The following QTMAN variants were observed in gnomAD, a reference collection of about 807,000 sequenced individuals.
The protein encoded by QTMAN is queuosine-tRNA mannosyltransferase.
the QTMAN span, among the ~76,000 whole-genome samples, chr2:144,107,198 G>A: frequency 2.6e-5 from 4 of 152,004 alleles, no homozygotes; most frequent in South Asian, 2.1e-4. Context: ...TTAAAATAAC[G>A]AGAGAAGCAA....
At chr2:144,239,703 T>C in the QTMAN span, among the ~76,000 whole-genome samples, 1 of 152,234 alleles carries the variant, frequency 6.6e-6, no homozygotes, top group Admixed American at 6.5e-5. Context: ...TGTATTGCCA[T>C]CATTCATTGT....
At chr2:144,254,134 G>A in the QTMAN span, among the ~76,000 whole-genome samples, 43 of 152,292 alleles carry the variant, frequency 2.8e-4, no homozygotes, top group African/African-American at 9.4e-4. Flanking sequence ...AAGAATTAAC[G>A]TTTGAGGCCA....
chr2:144,139,311 A>G, the QTMAN span, among the ~76,000 whole-genome samples: 2 of 152,216 alleles, frequency 1.3e-5, no homozygotes, highest in East Asian at 3.9e-4. Flanking sequence ...AGATGCCAAT[A>G]AATATGCTAG....
At chr2:144,131,579 T>A in the QTMAN span, among the ~76,000 whole-genome samples, 1 of 151,916 alleles carries the variant, frequency 6.6e-6, no homozygotes, top group African/African-American at 2.4e-5. Context: ...TTAGTCTTAA[T>A]CCCATCTATA....
At chr2:144,039,252 T>C in the QTMAN span, among the ~76,000 whole-genome samples, 1 of 152,162 alleles carries the variant, frequency 6.6e-6, no homozygotes, top group Admixed American at 6.5e-5. Flanking sequence ...TGAATATTCA[T>C]TCACAGGGAG....
chr2:144,007,310 G>A, the QTMAN span: 1 of 1,612,720 alleles, frequency 6.2e-7, no homozygotes, highest in African/African-American at 1.3e-5. Context: ...CTGACGAGGT[G>A]GATTTTTTCA....
chr2:144,025,384 G>C, the QTMAN span, among the ~76,000 whole-genome samples: 2 of 152,160 alleles, frequency 1.3e-5, no homozygotes, highest in Non-Finnish European at 2.9e-5. Flanking sequence ...TTGAGATTCT[G>C]AAGGTAGGAT....
chr2:144,133,151 A>ATATATATATATATAATATATATAT, the QTMAN span, among the ~76,000 whole-genome samples: 13 of 51,382 alleles, frequency 2.5e-4, no homozygotes, highest in African/African-American at 1.2e-3. Context: ...ATATATATAT[A>ATATATATATATATAATATATATAT]ATATAATATA....
the QTMAN span, among the ~76,000 whole-genome samples, chr2:144,079,811 A>G: frequency 1.4e-4 from 22 of 152,256 alleles, no homozygotes; most frequent in Non-Finnish European, 2.6e-4. Flanking sequence ...TATTACATAG[A>G]CTGTATTACT....
chr2:144,170,801 T>C, the QTMAN span, among the ~76,000 whole-genome samples: 2 of 152,132 alleles, frequency 1.3e-5, no homozygotes, highest in Non-Finnish European at 2.9e-5. Flanking sequence ...CTGAGATTCT[T>C]GATACAATAT....
At chr2:144,047,529 T>C in the QTMAN span, among the ~76,000 whole-genome samples, 3 of 152,188 alleles carry the variant, frequency 2.0e-5, no homozygotes, top group African/African-American at 7.2e-5. Context: ...ACCCTATCTC[T>C]GTGTATACCT....
chr2:143,951,855 C>T, the QTMAN span: 1 of 587,068 alleles, frequency 1.7e-6, no homozygotes, highest in Non-Finnish European at 3.1e-6. Context: ...GTTAGTGTAA[C>T]AACTAATATC....
At chr2:144,027,021 A>G in the QTMAN span, among the ~76,000 whole-genome samples, 11 of 152,228 alleles carry the variant, frequency 7.2e-5, no homozygotes, top group African/African-American at 2.2e-4. Flanking sequence ...CCAACTTTAC[A>G]AAGTAGAGAA....
chr2:144,178,963 G>C, the QTMAN span: 2 of 468,254 alleles, frequency 4.3e-6, no homozygotes, highest in South Asian at 1.6e-5. Context: ...CTGATTGCCT[G>C]GTAAAAACGA....
At chr2:144,051,207 G>T in the QTMAN span, among the ~76,000 whole-genome samples, 1 of 149,956 alleles carries the variant, frequency 6.7e-6, no homozygotes, top group Non-Finnish European at 1.5e-5. Flanking sequence ...TAGTTTTTGG[G>T]GTGTGTGTGT....
At chr2:143,985,124 T>C in the QTMAN span, among the ~76,000 whole-genome samples, 2 of 152,206 alleles carry the variant, frequency 1.3e-5, no homozygotes, top group African/African-American at 4.8e-5. Flanking sequence ...TAAAAGAGCA[T>C]TGTAACATGC....
the QTMAN span, among the ~76,000 whole-genome samples, chr2:144,314,954 C>T: frequency 1.3e-5 from 2 of 152,048 alleles, no homozygotes; most frequent in East Asian, 1.9e-4. Context: ...GGAGTGATCT[C>T]GGCTCACTGC....
chr2:144,075,467 T>C, the QTMAN span, among the ~76,000 whole-genome samples: 1 of 152,224 alleles, frequency 6.6e-6, no homozygotes, highest in Non-Finnish European at 1.5e-5. Context: ...TTTGATCTTA[T>C]AAGGCACTTT....
chr2:144,113,040 G>A, the QTMAN span, among the ~76,000 whole-genome samples: 1 of 152,198 alleles, frequency 6.6e-6, no homozygotes, highest in South Asian at 2.1e-4. Context: ...CATAACATAA[G>A]ATCCCAAATG....
Sources: gnomAD v4.1 joint callset for allele counts (sites outside exome capture counted in the v4.1 genomes callset) on GRCh38, gnomAD v4.1.1 for gene constraint, MANE v1.5 for transcripts, NCBI Gene and HGNC (gene_info 2026-07-23, HGNC 2026-07-21) for gene names.